The following TBL1XR1 variants were observed in gnomAD, a reference collection of about 807,000 sequenced individuals.
The protein encoded by TBL1XR1 is F-box-like/WD repeat-containing protein TBL1XR1.
TBL1XR1 carries 5 observed loss-of-function variants against 66.9 expected under a neutral mutation model. The ratio of observed to expected loss-of-function variants is 0.07; its 90% CI spans 0.04 to 0.16. TBL1XR1 has a LOEUF of 0.16. TBL1XR1 is among the 10% of genes least tolerant of loss of function. TBL1XR1 has a pLI of 1.00. For synonymous variants in TBL1XR1, 210 were observed against 206.0 expected (o/e 1.02, Z -0.17); for missense variants, 238 against 623.2 (o/e 0.38, Z 6.58).
intron 2 of TBL1XR1, among the ~76,000 whole-genome samples, chr3:177,090,797 G>A (rs533308284): frequency 9.9e-5 from 15 of 152,092 alleles, no homozygotes; most frequent in African/African-American, 3.1e-4. Context: ...GCGACAGAGC[G>A]AGACTCCGTC....
At chr3:177,124,526 C>T (rs1489471406) in intron 1 of TBL1XR1, among the ~76,000 whole-genome samples, 1 of 152,010 alleles carries the variant, frequency 6.6e-6, no homozygotes, top group Non-Finnish European at 1.5e-5. Flanking sequence ...TTCTTACGTG[C>T]TATAGGGCTA....
chr3:177,177,944 T>G (rs571973278), intron 1 of TBL1XR1, among the ~76,000 whole-genome samples: 1 of 152,126 alleles, frequency 6.6e-6, no homozygotes, highest in East Asian at 1.9e-4. Context: ...AAGGGTCTGA[T>G]GGCTGAAAAC....
chr3:177,108,534 T>C (rs1020628702), intron 1 of TBL1XR1, among the ~76,000 whole-genome samples: 8 of 152,186 alleles, frequency 5.3e-5, no homozygotes, highest in East Asian at 1.9e-4. Context: ...GTTTGGCTTA[T>C]TGTAAAGAAA....
chr3:177,060,924 C>T (rs947235994), intron 3 of TBL1XR1, among the ~76,000 whole-genome samples: 20 of 152,168 alleles, frequency 1.3e-4, no homozygotes, highest in Non-Finnish European at 2.6e-4. Context: ...ATATTAAATA[C>T]GCTCAGTTTT....
chr3:177,051,467 A>G, intron 5 of TBL1XR1, 37 bp downstream of exon 5: 1 of 1,541,558 alleles, frequency 6.5e-7, no homozygotes, highest in East Asian at 2.3e-5. Context: ...AAATAAATAA[A>G]CCATGTAATT....
chr3:177,084,096 A>AAAAAAAG, intron 2 of TBL1XR1, among the ~76,000 whole-genome samples: 1 of 151,114 alleles, frequency 6.6e-6, no homozygotes, highest in African/African-American at 2.4e-5. Flanking sequence ...TCAAAAAAAA[A>AAAAAAAG]AAAAAAGAAA....
chr3:177,045,053 T>C (rs1716139679), intron 10 of TBL1XR1: 1 of 152,158 alleles, frequency 6.6e-6, no homozygotes, highest in Admixed American at 6.5e-5. Context: ...TGTTTAACGA[T>C]GTTTGCAAAC....
chr3:177,104,403 C>T (rs773397216), intron 1 of TBL1XR1, among the ~76,000 whole-genome samples: 26 of 152,176 alleles, frequency 1.7e-4, no homozygotes, highest in Non-Finnish European at 1.5e-4. Flanking sequence ...CAACATACTA[C>T]GCATACGTCA....
At chr3:177,042,158 TTAAG>T (rs539846532) in intron 10 of TBL1XR1, among the ~76,000 whole-genome samples, 41 of 152,334 alleles carry the variant, frequency 2.7e-4, no homozygotes, top group African/African-American at 8.7e-4. Flanking sequence ...CATTTTGACA[TTAAG>T]TATTATCACT....
intron 13 of TBL1XR1, among the ~76,000 whole-genome samples, chr3:177,033,800 G>A (rs1714363840): frequency 6.6e-6 from 1 of 152,106 alleles, no homozygotes; most frequent in African/African-American, 2.4e-5. Context: ...AGAGCTGGAG[G>A]CCATCATGCT....
chr3:177,068,957 A>G lies in TBL1XR1; in HGVS notation c.-45-3935T>C, dbSNP rs532334024. ...ACATAACTTAGTCCAAAACTAAAGT[A>G]TAATTATAACTTAGATGTGACGAAC... On this transcript the variant is annotated intron_variant, in intron 2 of 15. Transcript: ENST00000457928. Among the ~76,000 whole-genome samples the G allele has an allele frequency of 2.6e-5, 4 of 152,386 alleles. No individual in the cohort carries two copies. In the East Asian group the frequency reaches 7.7e-4, roughly 29 times the overall value.
intron 1 of TBL1XR1, among the ~76,000 whole-genome samples, chr3:177,153,812 G>C (rs573590035): frequency 2.5e-4 from 37 of 150,940 alleles, no homozygotes; most frequent in African/African-American, 6.3e-4. Context: ...GGGAGGCGGA[G>C]GTTGCAGTGA....
At chr3:177,091,906 A>T (rs1053361404) in intron 2 of TBL1XR1, among the ~76,000 whole-genome samples, 7 of 152,210 alleles carry the variant, frequency 4.6e-5, no homozygotes, top group African/African-American at 1.7e-4. Flanking sequence ...TAAAAGCTTG[A>T]TATAATTGAA....
At chr3:177,026,180 G>A in intron 15 of TBL1XR1, 193 bp downstream of exon 15, 2 of 565,946 alleles carry the variant, frequency 3.5e-6, no homozygotes, top group Non-Finnish European at 3.1e-6. Context: ...TATTTGGTAA[G>A]GACAGCCTAA....
chr3:177,129,716 G>T (rs1262706067), intron 1 of TBL1XR1, among the ~76,000 whole-genome samples: 1 of 152,024 alleles, frequency 6.6e-6, no homozygotes, highest in East Asian at 1.9e-4. Context: ...AAAAGTACAA[G>T]ATACCGTTCT....
intron 1 of TBL1XR1, among the ~76,000 whole-genome samples, chr3:177,139,970 A>G (rs964173473): frequency 5.3e-5 from 8 of 152,212 alleles, no homozygotes; most frequent in African/African-American, 1.2e-4. Context: ...CAGGTGCTAG[A>G]AGACAATATA....
chr3:177,124,247 T>C (rs947510707), intron 1 of TBL1XR1, among the ~76,000 whole-genome samples: 1 of 152,032 alleles, frequency 6.6e-6, no homozygotes. Flanking sequence ...TGGGGAAGGA[T>C]GGATCCCAAG....
chr3:177,110,844 C>G (rs887966841), intron 1 of TBL1XR1: 26 of 152,238 alleles, frequency 1.7e-4, no homozygotes, highest in African/African-American at 5.5e-4. Flanking sequence ...CGGAAATTGT[C>G]TAAGGAATAC....
upstream of TBL1XR1, among the ~76,000 whole-genome samples, chr3:177,197,824 AGGCGCCTC>A (rs1215136749): frequency 9.6e-5 from 14 of 145,726 alleles, no homozygotes; most frequent in South Asian, 2.6e-3. Context: ...GGGCACTCGA[AGGCGCCTC>A]GGGGCCCCGG....
Sources: gnomAD v4.1 joint callset for allele counts (sites outside exome capture counted in the v4.1 genomes callset) on GRCh38, gnomAD v4.1.1 for gene constraint, MANE v1.5 for transcripts, NCBI Gene and HGNC (gene_info 2026-07-23, HGNC 2026-07-21) for gene names.